TLR3: variants seen among roughly 807,000 people sequenced by gnomAD.
TLR3 encodes the protein toll-like receptor 3.
TLR3 carries 43 observed loss-of-function variants against 66.4 expected under a neutral mutation model. That is an observed-to-expected ratio of 0.65 (90% CI 0.51 to 0.83). The LOEUF is 0.83. TLR3 is among the 40% of genes least tolerant of loss of function. TLR3 has a pLI of 0.00. For synonymous variants in TLR3, 397 were observed against 397.2 expected, an observed-to-expected ratio of 1.00 and a Z score of 0.01; for missense variants, 982 against 1,044.6, an observed-to-expected ratio of 0.94 and a Z score of 0.83.
rs2099304100 is a variant in TLR3, at chr4:186,084,780, C to G, written c.2622C>G (p.His874Gln). 3 of 1,613,996 alleles carry G rather than the reference C, an allele frequency of 1.9e-6. No individual in the cohort carries two copies. The African/African-American group carries it at 4.0e-5, about 22-fold the overall frequency. Residue 874 changes from histidine to glutamine, a missense_variant, in exon 5 of 5, where the codon CAC (histidine) becomes CAG (glutamine). Coordinates refer to ENST00000296795, the MANE Select transcript of TLR3 (RefSeq NM_003265.3). ...LCLRRGMFKS[H>Q]CILNWPVQKE... ...TGCGAAGAGGAATGTTTAAATCTCA[C>G]TGCATCTTGAACTGGCCAGTTCAGA...
Position 186,085,147 on chromosome 4 carries a change from G to T in TLR3, c.*274G>T, listed in dbSNP as rs920696318. ...ACAATCAGCCACTGAGCCTATGACA[G>T]CTTAAGGAGTTTGAAAACATTCCTC... On this transcript the variant is annotated 3_prime_UTR_variant, in exon 5 of 5. Coordinates refer to ENST00000296795, the MANE Select transcript of TLR3 (RefSeq NM_003265.3). 2.4e-6 allele frequency: 1 copy of T among 411,748 alleles called. No homozygotes were observed. Among genetic ancestry groups the T allele is most frequent in the South Asian group, 2.9e-5 (1 of 34,098 alleles). 25.5% of individuals were successfully genotyped at this position (411,748 alleles called of 1,614,324 possible).
intron 1 of TLR3, among the ~76,000 whole-genome samples, chr4:186,073,908 A>G (rs1271376966): frequency 6.6e-6 from 1 of 152,220 alleles, no homozygotes; most frequent in East Asian, 1.9e-4. Context: ...ATAGATGAGC[A>G]AAATATTTGA....
chr4:186,074,217 G>T (rs1408735904), intron 1 of TLR3, among the ~76,000 whole-genome samples: 2 of 152,164 alleles, frequency 1.3e-5, no homozygotes, highest in South Asian at 2.1e-4. Context: ...TTAATCATGG[G>T]GATATGTTCT....
At chr4:186,072,182 T>A (rs1349767741) in intron 1 of TLR3, among the ~76,000 whole-genome samples, 1 of 152,232 alleles carries the variant, frequency 6.6e-6, no homozygotes, top group Non-Finnish European at 1.5e-5. Flanking sequence ...CATAGCAGCC[T>A]CTGCTTCTGG....
In TLR3 at chr4:186,083,400, A is replaced by G. The variant is rs769114608; in HGVS notation, c.1714A>G (p.Asn572Asp). Reference sequence around the variant, plus strand: ...CCTCCACATCCTTAACTTGGAGTCCAACGGCTTTGACGAGATCCCAGTTGA... The same window carrying G: ...CCTCCACATCCTTAACTTGGAGTCCGACGGCTTTGACGAGATCCCAGTTGA... ...SHLHILNLESNGFDEIPVEVF... is the reference protein window; with the variant it reads ...SHLHILNLESDGFDEIPVEVF... Residue 572 changes from asparagine to aspartate, a missense_variant, in exon 4 of 5, where the codon AAC becomes GAC. Transcript: ENST00000296795. This position sits in a 1 kb window ranked among gnomAD's most constrained non-coding sequence, Gnocchi z 4.0. 8 of 1,614,192 alleles carry G rather than the reference A, an allele frequency of 5.0e-6. No homozygotes were observed. The highest frequency in any genetic ancestry group is 6.8e-6 in the Non-Finnish European group (8 of 1,180,030).
chr4:186,072,311 A>T (rs2099301621), intron 1 of TLR3, among the ~76,000 whole-genome samples: 1 of 151,950 alleles, frequency 6.6e-6, no homozygotes, highest in Admixed American at 6.6e-5. Context: ...TTTTTTTATT[A>T]TTTATTTTGG....
chr4:186,077,843 A>C (rs1393735339), intron 2 of TLR3, among the ~76,000 whole-genome samples: 3 of 148,238 alleles, frequency 2.0e-5, no homozygotes, highest in East Asian at 2.0e-4. Context: ...AAAAAAAAAA[A>C]CGCATGTTAT....
At chr4:186,075,152 T>C (rs2099302244) in intron 1 of TLR3, among the ~76,000 whole-genome samples, 1 of 152,224 alleles carries the variant, frequency 6.6e-6, no homozygotes, top group South Asian at 2.1e-4. Flanking sequence ...CTGTAAATAA[T>C]TATGTGTGCT....
rs1373296341 is a variant in TLR3, at chr4:186,074,907, G to C, written c.-7-1706G>C. On this transcript the variant is annotated intron_variant, in intron 1 of 4. Transcript: ENST00000296795. ...CATTAATGTCACTGCCTTCCACCAC[G>C]TCGTGTCCCACTGGAAGCTCTTTAG... Among the ~76,000 whole-genome samples the C allele has an allele frequency of 2.0e-5, 3 of 151,408 alleles. No individual in the cohort carries two copies. In the East Asian group the frequency reaches 5.8e-4, roughly 29 times the overall value.
intron 1 of TLR3, among the ~76,000 whole-genome samples, chr4:186,071,500 A>G (rs1003516940): frequency 1.6e-4 from 24 of 152,178 alleles, no homozygotes; most frequent in African/African-American, 5.8e-4. Flanking sequence ...AGCATTTGAG[A>G]GGTATCATTG....
intron 1 of TLR3, among the ~76,000 whole-genome samples, chr4:186,072,836 C>T (rs1191891238): frequency 6.6e-6 from 1 of 152,190 alleles, no homozygotes. Flanking sequence ...ATATTTATTT[C>T]TTCAGAGCCA....
rs988586598 is a variant in TLR3, at chr4:186,083,882, T to A, written c.2196T>A (p.Phe732Leu). The change falls in exon 4 of 5, where the codon TTT becomes TTA. Residue 732 changes from phenylalanine (F) to leucine (L), a missense_variant. Phe to Leu is a conservative substitution (Grantham distance 22). This residue lies in a region of TLR3 where 666 missense variants were observed against 709.0 expected (regional missense o/e 0.94). Coordinates refer to ENST00000296795, the MANE Select transcript of TLR3 (RefSeq NM_003265.3). The surrounding 1 kb of genome is among the most constrained non-coding windows in gnomAD (Gnocchi z 4.0). ...ACTTTGAGGGCTGGAGGATATCTTTTTATTGGAATGTTTCAGTACATCGAG... is the reference window on the plus strand; with the variant it reads ...ACTTTGAGGGCTGGAGGATATCTTTATATTGGAATGTTTCAGTACATCGAG... ...LIHFEGWRIS[F>L]YWNVSVHRVL... 1 of 1,614,236 alleles carries A rather than the reference T, an allele frequency of 6.2e-7. No homozygotes were observed. Among genetic ancestry groups the A allele is most frequent in the South Asian group, 1.1e-5 (1 of 91,084 alleles).
chr4:186,072,009 G>A (rs923945643), intron 1 of TLR3, among the ~76,000 whole-genome samples: 2 of 152,224 alleles, frequency 1.3e-5, no homozygotes, highest in Admixed American at 1.3e-4. Flanking sequence ...AAAATAAAGT[G>A]TGACAATGTA....
At chr4:186,072,318 T>C (rs1486626942) in intron 1 of TLR3, among the ~76,000 whole-genome samples, 2 of 152,214 alleles carry the variant, frequency 1.3e-5, no homozygotes, top group East Asian at 1.9e-4. Flanking sequence ...ATTATTTATT[T>C]TGGGGGGAGT....
chr4:186,070,781 G>A (rs1366583746), intron 1 of TLR3, among the ~76,000 whole-genome samples: 1 of 152,108 alleles, frequency 6.6e-6, no homozygotes, highest in African/African-American at 2.4e-5. Context: ...ATGATTCATT[G>A]CAGCCTTAAC....
chr4:186,072,781 G>C (rs187443929), intron 1 of TLR3, among the ~76,000 whole-genome samples: 34 of 152,302 alleles, frequency 2.2e-4, no homozygotes, highest in Non-Finnish European at 4.7e-4. Flanking sequence ...CGTGTGGTGT[G>C]GGTGGAGACG....
intron 4 of TLR3, 145 bp from the exon 5 acceptor site, chr4:186,084,500 A>G (rs1169490064): frequency 4.6e-6 from 3 of 657,998 alleles, no homozygotes; most frequent in Admixed American, 6.1e-5. Context: ...TATTACTCAC[A>G]ACTCAAAGAA....
intron 3 of TLR3, among the ~76,000 whole-genome samples, chr4:186,081,227 C>T (rs892156618): frequency 1.3e-5 from 2 of 151,156 alleles, no homozygotes; most frequent in African/African-American, 2.4e-5. Context: ...TGAGATCGCA[C>T]CACTGCACTC....
intron 2 of TLR3, among the ~76,000 whole-genome samples, chr4:186,078,074 C>T (rs2099302754): frequency 1.3e-5 from 2 of 152,130 alleles, no homozygotes; most frequent in Admixed American, 1.3e-4. Context: ...GATGAAATAT[C>T]TTTGAATACA....
Sources: gnomAD v4.1 joint callset for allele counts (sites outside exome capture counted in the v4.1 genomes callset) on GRCh38, gnomAD v4.1.1 for gene constraint, gnomAD v4.1.1 regional missense constraint, Gnocchi (gnomAD v3.1) non-coding constraint, MANE v1.5 for transcripts, NCBI Gene and HGNC (gene_info 2026-07-23, HGNC 2026-07-21) for gene names.